NWD1: variants seen among roughly 807,000 people sequenced by gnomAD.
NWD1 encodes NACHT and WD repeat domain containing 1, also known as NACHT domain- and WD repeat-containing protein 1.
Under a neutral mutation model 135.1 loss-of-function variants are expected in NWD1, and 129 were observed. The ratio of observed to expected loss-of-function variants is 0.96; its 90% CI spans 0.83 to 1.11. The LOEUF (loss-of-function observed/expected upper bound fraction) is 1.11, where lower values mean the gene tolerates loss of function less well. Ranked by LOEUF, NWD1 falls within the 50% of genes least tolerant of loss-of-function variation. The pLI, the probability that NWD1 is intolerant of heterozygous loss-of-function variation, is 0.00. For missense variants in NWD1, 1,740 were observed against 1,851.3 expected, an observed-to-expected ratio of 0.94 and a Z score of 1.10; for synonymous variants, 773 against 786.0, an observed-to-expected ratio of 0.98 and a Z score of 0.28.
intron 10 of NWD1, among the ~76,000 whole-genome samples, chr19:16,770,250 C>T (rs1278859093): frequency 6.6e-6 from 1 of 152,158 alleles, no homozygotes; most frequent in East Asian, 1.9e-4. Flanking sequence ...GTGTTTTCCT[C>T]CATGCTGTTC....
intron 4 of NWD1, among the ~76,000 whole-genome samples, chr19:16,744,094 A>G (rs989613617): frequency 6.6e-6 from 1 of 152,192 alleles, no homozygotes; most frequent in African/African-American, 2.4e-5. Context: ...TTGGAGAAAG[A>G]ATAGTAAATT....
At chr19:16,799,819 A>G (rs1970540203) in intron 16 of NWD1, 67 bp from the exon 17 acceptor site, 1 of 1,456,858 alleles carries the variant, frequency 6.9e-7, no homozygotes, top group African/African-American at 1.4e-5. Context: ...AATGGGCTGA[A>G]GCGTATTTCT....
intron 11 of NWD1, among the ~76,000 whole-genome samples, chr19:16,778,985 C>T (rs1440617074): frequency 6.6e-6 from 1 of 152,156 alleles, no homozygotes; most frequent in African/African-American, 2.4e-5. Context: ...CTGCACCCAC[C>T]AGATGGCAGT....
chr19:16,769,858 G>A (rs1969355254), intron 10 of NWD1, among the ~76,000 whole-genome samples: 1 of 151,990 alleles, frequency 6.6e-6, no homozygotes, highest in South Asian at 2.1e-4. Flanking sequence ...TTTTTTTAGA[G>A]ACAAAGTCTT....
chr19:16,741,004 C>CA (rs1381589156), intron 4 of NWD1, among the ~76,000 whole-genome samples: 2 of 152,006 alleles, frequency 1.3e-5, no homozygotes, highest in African/African-American at 4.8e-5. Context: ...ACTAAAAATA[C>CA]AAAAAATTAG....
intron 6 of NWD1, among the ~76,000 whole-genome samples, chr19:16,754,612 A>C (rs762174953): frequency 2.0e-5 from 3 of 146,784 alleles, no homozygotes; most frequent in African/African-American, 7.7e-5. Flanking sequence ...TCTTCCTTTT[A>C]TCCATCATCT....
At chr19:16,758,051 CAA>C (rs35974335) in intron 6 of NWD1, among the ~76,000 whole-genome samples, 3 of 134,032 alleles carry the variant, frequency 2.2e-5, no homozygotes, top group African/African-American at 2.6e-5. Context: ...GACTCTGTCT[CAA>C]AAAAAAAAAA....
At chr19:16,779,607 C>A (rs1969785308) in intron 12 of NWD1, 142 bp downstream of exon 12, 1 of 739,878 alleles carries the variant, frequency 1.4e-6, no homozygotes, top group Non-Finnish European at 2.2e-6. Flanking sequence ...GCATAATGAA[C>A]CATCCCCAAA....
At chr19:16,752,800 C>T (rs1968631092) in intron 6 of NWD1, among the ~76,000 whole-genome samples, 1 of 152,084 alleles carries the variant, frequency 6.6e-6, no homozygotes, top group South Asian at 2.1e-4. Context: ...AGTTCAAGAC[C>T]AGCCTGGGCA....
chr19:16,759,144 C>T, intron 6 of NWD1, 81 bp from the exon 7 acceptor site: 1 of 1,200,750 alleles, frequency 8.3e-7, no homozygotes, highest in Non-Finnish European at 1.2e-6. Context: ...GTGGCTGTAT[C>T]CCTCCCTCTC....
At chr19:16,798,592 C>T (rs915943866) in intron 16 of NWD1, among the ~76,000 whole-genome samples, 14 of 152,050 alleles carry the variant, frequency 9.2e-5, no homozygotes, top group Admixed American at 4.6e-4. Context: ...GCCTGGGTGA[C>T]AAAACAAGAA....
rs192688932 is a variant in NWD1, at chr19:16,790,469, T to C, written c.2941-881T>C. On this transcript the variant is annotated intron_variant, in intron 13 of 18. Coordinates refer to ENST00000524140, the MANE Select transcript of NWD1 (RefSeq NM_001007525.5). ...TATTAAACACTTGAAATTCGGGGGG[T>C]AGGGGGTAAGGGGAGGGAGAGCATT... Among the ~76,000 whole-genome samples the C allele has an allele frequency of 7.0e-4, 100 of 143,244 alleles. 1 individual carries two copies. Among genetic ancestry groups the C allele is most frequent in the Middle Eastern group, 3.5e-3 (1 of 282 alleles). The allele number at this position is 143,244 out of a possible 152,430, so 94.0% of individuals were successfully genotyped here.
At chr19:16,752,059 A>T (rs904231617) in intron 6 of NWD1, among the ~76,000 whole-genome samples, 1 of 152,186 alleles carries the variant, frequency 6.6e-6, no homozygotes, top group South Asian at 2.1e-4. Context: ...GAAGCACCCA[A>T]GCAGCCACAC....
At chr19:16,756,124 A>C (rs888998826) in intron 6 of NWD1, among the ~76,000 whole-genome samples, 1 of 152,144 alleles carries the variant, frequency 6.6e-6, no homozygotes, top group Non-Finnish European at 1.5e-5. Context: ...ATGGTGGCTC[A>C]TGCTTTTAAT....
chr19:16,763,365 G>A (rs1242922797), intron 8 of NWD1, among the ~76,000 whole-genome samples: 1 of 152,082 alleles, frequency 6.6e-6, no homozygotes, highest in Admixed American at 6.6e-5. Context: ...CTGATATTCA[G>A]TGCCTTCGTG....
intron 9 of NWD1, 69 bp downstream of exon 9, chr19:16,764,014 T>C: frequency 2.1e-6 from 2 of 954,046 alleles, no homozygotes; most frequent in Non-Finnish European, 3.4e-6. Context: ...TTCTAGAGCC[T>C]GGGGAGGGTG....
rs1324921259 is a variant in NWD1 at position 16,797,748 on chromosome 19, G to A, written c.3321G>A (p.Val1107=). 5.0e-6 allele frequency: 8 copies of A among 1,614,074 alleles called. No individual in the cohort carries two copies. The highest frequency in any genetic ancestry group is 5.9e-6 in the Non-Finnish European group (7 of 1,179,962). ...SLLAAGFGRS[V]RIFLADSRGF... ...CCGTTTCAGGCTTTGGAAGATCGGT[G>A]CGGATATTCTTGGCGGACTCGAGGG... The change falls in exon 16 of 19, where the codon GTG becomes GTA. Residue 1107 remains valine, a synonymous_variant. Coordinates refer to ENST00000524140, the MANE Select transcript of NWD1 (RefSeq NM_001007525.5).
chr19:16,785,502 C>T (rs1373105353), intron 12 of NWD1, among the ~76,000 whole-genome samples: 2 of 150,806 alleles, frequency 1.3e-5, no homozygotes, highest in Non-Finnish European at 2.9e-5. Flanking sequence ...CAGAGTGAGA[C>T]TCTGTCTCAA....
chr19:16,807,213 G>T (rs892170947), intron 17 of NWD1, among the ~76,000 whole-genome samples: 6 of 151,434 alleles, frequency 4.0e-5, no homozygotes, highest in African/African-American at 1.5e-4. Flanking sequence ...TGAACACCAG[G>T]CCGGGTGTGG....
Sources: allele counts gnomAD v4.1 joint callset (sites outside exome capture counted in the v4.1 genomes callset), GRCh38; gene constraint gnomAD v4.1.1; transcripts MANE v1.5; gene names NCBI Gene and HGNC (gene_info 2026-07-23, HGNC 2026-07-21).